The following TP53AIP1 variants were observed in gnomAD, a reference collection of about 807,000 sequenced individuals.
TP53AIP1 encodes the protein tumor protein p53 regulated apoptosis inducing protein 1.
A neutral mutation model predicts 9.5 loss-of-function variants in TP53AIP1; 14 were observed. The observed-to-expected ratio is 1.47, with a 90% CI of 0.97 to 2.30. TP53AIP1 has a LOEUF of 2.30. Among genes scored for constraint, TP53AIP1 ranks in the 30% most tolerant of loss-of-function variants. The pLI, the probability that TP53AIP1 is intolerant of heterozygous loss-of-function variation, is 0.00. For missense variants in TP53AIP1, 153 were observed against 146.7 expected, an observed-to-expected ratio of 1.04 and a Z score of -0.22; for synonymous variants, 73 against 61.2, an observed-to-expected ratio of 1.19 and a Z score of -0.90.
At chr11:128,935,347 T>C (rs770592364), downstream of TP53AIP1, 24 of 1,416,968 alleles carry the variant, frequency 1.7e-5, no homozygotes, top group African/African-American at 2.2e-4. Flanking sequence ...ATATTATAGA[T>C]TGGAATGCAA....
intron 3 of TP53AIP1, chr11:128,936,059 T>C (rs1944817375): frequency 1.3e-6 from 1 of 770,602 alleles, no homozygotes; most frequent in South Asian, 4.8e-5. Flanking sequence ...GAAGCTATTA[T>C]CATTCCATTT....
chr11:128,936,415 A>T, intron 3 of TP53AIP1, 123 bp downstream of exon 3: 3 of 1,414,560 alleles, frequency 2.1e-6, no homozygotes, highest in Non-Finnish European at 2.8e-6. Context: ...CAGATGGCAA[A>T]TTTCAGGAGA....
At position 128,942,783 on chromosome 11, in the gene TP53AIP1, C is replaced by A. The variant is rs192242390; in HGVS notation, c.-77+11G>T. 1.3e-5 allele frequency: 2 copies of A among 152,796 alleles called. No individual in the cohort carries two copies. The allele number at this position is 152,796 out of a possible 1,614,324, so 9.5% of individuals were successfully genotyped here. A position where few individuals can be genotyped will look rare whatever the true frequency, so the allele number is the denominator to read the frequency against. ...CACCAGCGCTGGTCCCCTCCCTCCC[C>A]CTCTCCTCACCTGCCTCCTAGGAGT... On this transcript the variant is annotated intron_variant, in intron 1 of 3. Transcript: ENST00000531399.
chr11:128,936,744 C>A, intron 2 of TP53AIP1, 95 bp from the exon 3 acceptor site: 2 of 1,459,506 alleles, frequency 1.4e-6, no homozygotes, highest in Non-Finnish European at 1.8e-6. Context: ...GTATTCATGG[C>A]ATCCAGGGGC....
chr11:128,937,215 G>A lies in TP53AIP1; in HGVS notation c.141+463C>T, dbSNP rs555138108. 4 of 1,211,632 alleles carry A rather than the reference G, an allele frequency of 3.3e-6. No individual in the cohort carries two copies. Among genetic ancestry groups the A allele is most frequent in the African/African-American group, 1.5e-5 (1 of 64,568 alleles). 75.1% of individuals were successfully genotyped at this position (1,211,632 alleles called of 1,614,324 possible). On this transcript the variant is annotated intron_variant, in intron 2 of 3. Coordinates refer to ENST00000531399, the MANE Select transcript of TP53AIP1 (RefSeq NM_022112.3). This position sits in a 1 kb window ranked among gnomAD's most constrained non-coding sequence, Gnocchi z 4.8. Reference sequence around the variant, plus strand: ...CACAGGAAACGACTTCTTGGAGTAAGTGACTGGTGCTCCGAGGCCCATCTG... The same window carrying A: ...CACAGGAAACGACTTCTTGGAGTAAATGACTGGTGCTCCGAGGCCCATCTG...
chr11:128,937,299 C>T lies in TP53AIP1; in HGVS notation c.141+379G>A, dbSNP rs1275157462. The T allele has an allele frequency of 1.1e-5, 15 of 1,357,720 alleles. No homozygotes were observed. The highest frequency in any genetic ancestry group is 1.5e-5 in the African/African-American group (1 of 67,986). 84.1% of individuals were successfully genotyped at this position (1,357,720 alleles called of 1,614,324 possible). A position where few individuals can be genotyped will look rare whatever the true frequency, so the allele number is the denominator to read the frequency against. ...GCAGGCCCGGAGCCCTGCACCCCAG[C>T]CTTCCCTCCCCATGCGCTCCACATG... is the stretch of plus-strand genomic sequence containing the variant. On this transcript the variant is annotated intron_variant, in intron 2 of 3. Coordinates refer to ENST00000531399, the MANE Select transcript of TP53AIP1 (RefSeq NM_022112.3). This position sits in a 1 kb window ranked among gnomAD's most constrained non-coding sequence, Gnocchi z 4.8.
At chr11:128,940,543 G>C (rs1412574625) in intron 1 of TP53AIP1, among the ~76,000 whole-genome samples, 1 of 152,206 alleles carries the variant, frequency 6.6e-6, no homozygotes, top group Non-Finnish European at 1.5e-5. Flanking sequence ...GGCAGCCTTT[G>C]TCCCTTCTGG....
chr11:128,942,312 C>A (rs10893937), intron 1 of TP53AIP1, among the ~76,000 whole-genome samples: 1 of 152,024 alleles, frequency 6.6e-6, no homozygotes, highest in Non-Finnish European at 1.5e-5. Context: ...AGGGGCCCTG[C>A]TCAGTGTCCA....
chr11:128,936,393 A>T (rs950896421), intron 3 of TP53AIP1, 145 bp downstream of exon 3: 27 of 1,422,008 alleles, frequency 1.9e-5, no homozygotes, highest in Non-Finnish European at 2.3e-5. Context: ...CTCTGCCATG[A>T]TGTCATTTTG....
At chr11:128,938,458 C>T (rs1192951559) in intron 1 of TP53AIP1, among the ~76,000 whole-genome samples, 2 of 152,054 alleles carry the variant, frequency 1.3e-5, no homozygotes, top group African/African-American at 2.4e-5. Flanking sequence ...GGTTGCCAGC[C>T]GGGCCCTGTC....
downstream of TP53AIP1, chr11:128,934,894 C>A (rs2155548): frequency 0.8 from 541,252 of 676,196 alleles, 218,929 homozygotes; most frequent in African/African-American, 0.95. Context: ...GTCATGTAGA[C>A]TATGGCTCAG....
chr11:128,940,461 T>G (rs758022444), intron 1 of TP53AIP1, among the ~76,000 whole-genome samples: 4 of 152,204 alleles, frequency 2.6e-5, no homozygotes, highest in Admixed American at 2.6e-4. Context: ...TGGAATCAGG[T>G]GTCCTGATGT....
chr11:128,937,364 G>C lies in TP53AIP1; in HGVS notation c.141+314C>G, dbSNP rs951273797. On this transcript the variant is annotated intron_variant, in intron 2 of 3. Transcript: ENST00000531399. The surrounding 1 kb of genome is among the most constrained non-coding windows in gnomAD (Gnocchi z 4.8). The stretch of plus-strand genomic sequence containing the variant: ...CCTCTCCATTTAGCTCTCACTTTCT[G>C]GATGCAGCCAGGCACCACCTTCCTT... 1 of 1,423,330 alleles carries C rather than the reference G, an allele frequency of 7.0e-7. No individual in the cohort carries two copies. The highest frequency in any genetic ancestry group is 1.4e-5 in the African/African-American group (1 of 69,410). 88.2% of individuals were successfully genotyped at this position (1,423,330 alleles called of 1,614,324 possible).
intron 2 of TP53AIP1, chr11:128,936,925 C>T (rs563759300): frequency 3.3e-6 from 4 of 1,213,006 alleles, no homozygotes; most frequent in Non-Finnish European, 4.1e-6. Context: ...TTCCTCCCTC[C>T]CATCACCACA....
chr11:128,935,109 G>A (rs1944785128), downstream of TP53AIP1: 2 of 711,628 alleles, frequency 2.8e-6, no homozygotes, highest in South Asian at 1.5e-5. Flanking sequence ...GTGTCAGCAG[G>A]AATGACTGTC....
At position 128,941,502 on chromosome 11, in the gene TP53AIP1, C is replaced by A. The variant is rs1054406760; in HGVS notation, c.-77+1292G>T. Among the ~76,000 whole-genome samples, 6 of 152,188 alleles carry A rather than the reference C, an allele frequency of 3.9e-5. No homozygotes were observed. The East Asian group carries it at 9.6e-4, about 24-fold the overall frequency. On this transcript the variant is annotated intron_variant, in intron 1 of 3. Coordinates refer to ENST00000531399, the MANE Select transcript of TP53AIP1 (RefSeq NM_022112.3). The stretch of plus-strand genomic sequence containing the variant: ...TGGGTTGCCTCAGCCCCCAACGCAC[C>A]TTTCATTGCCTTCTTCTGTGATAAT...
chr11:128,941,464 T>C (rs1162906499), intron 1 of TP53AIP1, among the ~76,000 whole-genome samples: 2 of 152,236 alleles, frequency 1.3e-5, no homozygotes, highest in Non-Finnish European at 2.9e-5. Context: ...GTGTGTGATG[T>C]GTGCAGTTAT....
At chr11:128,941,192 C>G (rs1030160407) in intron 1 of TP53AIP1, among the ~76,000 whole-genome samples, 1 of 152,206 alleles carries the variant, frequency 6.6e-6, no homozygotes. Context: ...CACTTTCCCT[C>G]TGCCGAACAG....
At chr11:128,938,024 C>G in intron 1 of TP53AIP1, 130 bp from the exon 2 acceptor site, 1 of 612,074 alleles carries the variant, frequency 1.6e-6, no homozygotes, top group East Asian at 2.8e-5. Flanking sequence ...ACCCAGAGAC[C>G]CTAGGGCTGG....
Sources: gnomAD v4.1 joint callset for allele counts (sites outside exome capture counted in the v4.1 genomes callset) on GRCh38, gnomAD v4.1.1 for gene constraint, Gnocchi (gnomAD v3.1) non-coding constraint, MANE v1.5 for transcripts, NCBI Gene and HGNC (gene_info 2026-07-23, HGNC 2026-07-21) for gene names.